The following MIB1 variants were observed in gnomAD, a reference collection of about 807,000 sequenced individuals.
MIB1 encodes MIB E3 ubiquitin protein ligase 1.
A neutral mutation model predicts 124.5 loss-of-function variants in MIB1; 278 were observed. The ratio of observed to expected loss-of-function variants is 2.23; its 90% CI spans 2.02 to 2.47. The LOEUF (loss-of-function observed/expected upper bound fraction) is 2.47, where lower values mean the gene tolerates loss of function less well. MIB1 is among the 30% of genes most tolerant of loss of function. The pLI is 0.00. For missense variants in MIB1, 957 were observed against 1,254.4 expected (o/e 0.76, Z 3.58); for synonymous variants, 446 against 429.4 (o/e 1.04, Z -0.48).
chr18:21,838,914 C>T (rs934106755), intron 13 of MIB1, among the ~76,000 whole-genome samples: 5 of 152,166 alleles, frequency 3.3e-5, no homozygotes, highest in East Asian at 3.8e-4. Context: ...GGATTTATTT[C>T]GTAACTACTG....
rs2042076778 is a variant in MIB1, at chr18:21,840,650, TA to T, written c.1962+2154del. 5.4e-4 allele frequency among the ~76,000 whole-genome samples: 2 copies of T among 3,714 alleles called. 1 individual carries two copies. Among genetic ancestry groups the T allele is most frequent in the African/African-American group, 9.8e-4 (2 of 2,050 alleles). The allele number at this position is 3,714 out of a possible 152,430, so 2.4% of individuals were successfully genotyped here. On this transcript the variant is annotated intron_variant, in intron 13 of 20. Coordinates refer to ENST00000261537, the MANE Select transcript of MIB1 (RefSeq NM_020774.4). ...CTGTATATATATATATATATATATA[TA>T]TATATATATATATATTTTTTTTTTT...
chr18:21,811,576 C>T (rs762505314), intron 10 of MIB1, among the ~76,000 whole-genome samples: 7 of 152,072 alleles, frequency 4.6e-5, no homozygotes, highest in Admixed American at 3.9e-4. Context: ...TCCTTGAGGC[C>T]ATTATTCTAA....
chr18:21,757,510 G>T (rs1171150575), intron 1 of MIB1, among the ~76,000 whole-genome samples: 6 of 140,804 alleles, frequency 4.3e-5, no homozygotes, highest in African/African-American at 1.6e-4. Flanking sequence ...TTTGGGACAG[G>T]GTCTTACTCT....
chr18:21,860,515 A>T (rs1391750026), intron 20 of MIB1, among the ~76,000 whole-genome samples: 6 of 152,198 alleles, frequency 3.9e-5, no homozygotes, highest in Admixed American at 3.9e-4. Flanking sequence ...TGTTATGTTA[A>T]GTAAGATAGC....
At chr18:21,707,425 C>T (rs541248739) in intron 1 of MIB1, among the ~76,000 whole-genome samples, 1 of 152,338 alleles carries the variant, frequency 6.6e-6, no homozygotes, top group Admixed American at 6.5e-5. Flanking sequence ...GCTGCCCGAG[C>T]CAGCAGAGGC....
intron 12 of MIB1, among the ~76,000 whole-genome samples, chr18:21,832,617 A>T (rs529264094): frequency 6.6e-6 from 1 of 152,254 alleles, no homozygotes; most frequent in South Asian, 2.1e-4. Flanking sequence ...AACAAGAAAA[A>T]CTATTACGAG....
In MIB1 at chr18:21,867,354, T is replaced by C. The variant is rs2042328070; in HGVS notation, c.*2688T>C. 1 of 152,604 alleles carries C rather than the reference T, an allele frequency of 6.6e-6. No individual in the cohort carries two copies. Among genetic ancestry groups the C allele is most frequent in the South Asian group, 2.1e-4 (1 of 4,830 alleles). The allele number at this position is 152,604 out of a possible 1,614,324, so 9.5% of individuals were successfully genotyped here. Reference sequence around the variant, plus strand: ...TCCCTCACCCTACCATTTTCTCCTTTATTCTTCTAAGATTGTTAGCGTTGT... The same window carrying C: ...TCCCTCACCCTACCATTTTCTCCTTCATTCTTCTAAGATTGTTAGCGTTGT... On this transcript the variant is annotated 3_prime_UTR_variant, in exon 21 of 21. Transcript: ENST00000261537.
intron 1 of MIB1, among the ~76,000 whole-genome samples, chr18:21,731,260 A>T (rs1019722255): frequency 2.6e-5 from 4 of 152,036 alleles, no homozygotes; most frequent in Admixed American, 1.3e-4. Context: ...TAGGTACTTT[A>T]TTTTTGTCTA....
At chr18:21,733,730 A>G (rs1822581638) in intron 1 of MIB1, among the ~76,000 whole-genome samples, 1 of 150,320 alleles carries the variant, frequency 6.7e-6, no homozygotes, top group South Asian at 2.1e-4. Context: ...TTTGAGATGG[A>G]GTTTCGCTCT....
At position 21,819,601 on chromosome 18, in the gene MIB1, A is replaced by G. The variant is rs1380107353; in HGVS notation, c.1784A>G (p.Asn595Ser). The change falls in exon 12 of 21, where the codon AAT (asparagine) becomes AGT (serine). Residue 595 changes from asparagine (N) to serine (S), a missense_variant. By Grantham distance (46) the Asn-to-Ser change is conservative. Transcript: ENST00000261537. The stretch of plus-strand genomic sequence containing the variant: ...GCAGATGTTACCATCACAAACAATA[A>G]TGGATTTAATGCTCTGCATCATGCT... ...AGADVTITNN[N>S]GFNALHHAAL... 8.7e-6 allele frequency: 14 copies of G among 1,611,930 alleles called. No individual in the cohort carries two copies. The highest frequency in any genetic ancestry group is 1.1e-5 in the Non-Finnish European group (13 of 1,178,892).
At position 21,840,813 on chromosome 18, in the gene MIB1, A is replaced by G. The variant is rs943778026; in HGVS notation, c.1962+2316A>G. On this transcript the variant is annotated intron_variant, in intron 13 of 20. Transcript: ENST00000261537. ...GCCACTGCACTCCAGCCTGGGCAAC[A>G]GAGCAAGACCTTGTCTTAAAAATAA... Among the ~76,000 whole-genome samples the G allele has an allele frequency of 2.0e-5, 3 of 151,920 alleles. No homozygotes were observed. In the East Asian group the frequency reaches 5.8e-4, roughly 29 times the overall value.
Position 21,839,266 on chromosome 18 carries a change from T to G in MIB1, c.1962+769T>G, listed in dbSNP as rs191895658. Among the ~76,000 whole-genome samples, 264 of 152,178 alleles carry G rather than the reference T, an allele frequency of 1.7e-3. 1 individual carries two copies. The highest frequency in any genetic ancestry group is 6.0e-3 in the African/African-American group (248 of 41,516). Reference sequence around the variant, plus strand: ...CAAAAACTACAGAAATTTAAAGAAATATATCAAAAGTTAAGCCACCTCCCC... The same window carrying G: ...CAAAAACTACAGAAATTTAAAGAAAGATATCAAAAGTTAAGCCACCTCCCC... On this transcript the variant is annotated intron_variant, in intron 13 of 20. Transcript: ENST00000261537.
chr18:21,716,301 G>T (rs2146355360), intron 1 of MIB1, among the ~76,000 whole-genome samples: 1 of 152,226 alleles, frequency 6.6e-6, no homozygotes, highest in South Asian at 2.1e-4. Flanking sequence ...GTCTTTTTCA[G>T]ATAAACAAAT....
At chr18:21,795,859 G>C (rs2041572980) in intron 7 of MIB1, among the ~76,000 whole-genome samples, 1 of 152,118 alleles carries the variant, frequency 6.6e-6, no homozygotes, top group South Asian at 2.1e-4. Flanking sequence ...GTTATTCCGA[G>C]ATTGTTAGAT....
chr18:21,748,891 C>A (rs1248401679), intron 1 of MIB1, among the ~76,000 whole-genome samples: 1 of 151,904 alleles, frequency 6.6e-6, no homozygotes, highest in African/African-American at 2.4e-5. Flanking sequence ...CACCACCAAG[C>A]CTGGCTAATT....
chr18:21,719,945 A>T (rs2040707372), intron 1 of MIB1, among the ~76,000 whole-genome samples: 1 of 152,182 alleles, frequency 6.6e-6, no homozygotes, highest in South Asian at 2.1e-4. Flanking sequence ...ATACACATTT[A>T]TACTAGCAAC....
chr18:21,773,832 C>T, intron 4 of MIB1, 104 bp downstream of exon 4: 1 of 657,180 alleles, frequency 1.5e-6, no homozygotes. Context: ...TTTGTCAGAA[C>T]CTTTACGTTT....
In MIB1 at chr18:21,821,262, CCT is replaced by C. The variant is rs781009084; in HGVS notation, c.1829+1617_1829+1618del. Among the ~76,000 whole-genome samples the C allele has an allele frequency of 1.2e-3, 179 of 152,294 alleles. 4 individuals carry two copies. Among genetic ancestry groups the C allele is most frequent in the Admixed American group, 2.9e-3 (45 of 15,290 alleles). ...GCATAGGTCTAAATGGCTCTCTTCC[CCT>C]GTTTCCCAACTTCAGTTTTTGTCTG... On this transcript the variant is annotated intron_variant, in intron 12 of 20. Transcript: ENST00000261537.
chr18:21,734,473 TCTCTTTCTC>T (rs2040786414), intron 1 of MIB1, among the ~76,000 whole-genome samples: 1 of 95,074 alleles, frequency 1.1e-5, no homozygotes, highest in Admixed American at 1.3e-4. Context: ...TTTCTCTCTC[TCTCTTTCTC>T]TCTCTCTCTC....
Sources: allele counts gnomAD v4.1 joint callset (sites outside exome capture counted in the v4.1 genomes callset), GRCh38; gene constraint gnomAD v4.1.1; transcripts MANE v1.5; gene names NCBI Gene and HGNC (gene_info 2026-07-23, HGNC 2026-07-21).